Variants in RTTN observed in about 807,000 individuals in gnomAD.
RTTN encodes rotatin.
Under a neutral mutation model 269.2 loss-of-function variants are expected in RTTN, and 182 were observed. That is an observed-to-expected ratio of 0.68 (90% CI 0.60 to 0.76). The LOEUF (loss-of-function observed/expected upper bound fraction) is 0.76. Among genes scored for constraint, RTTN ranks in the 30% least tolerant of loss-of-function variants. RTTN has a pLI of 0.00. For synonymous variants in RTTN, 1,006 were observed against 963.5 expected (o/e 1.04, Z -0.82); for missense variants, 2,545 against 2,608.6 (o/e 0.98, Z 0.53).
chr18:70,037,147 C>T (rs538523125), intron 40 of RTTN, among the ~76,000 whole-genome samples: 3 of 152,268 alleles, frequency 2.0e-5, no homozygotes, highest in South Asian at 2.1e-4. Flanking sequence ...GCCTTGCCAC[C>T]GTAAAGCCAG....
At chr18:70,042,804 T>A (rs1480214394) in intron 40 of RTTN, among the ~76,000 whole-genome samples, 1 of 152,238 alleles carries the variant, frequency 6.6e-6, no homozygotes, top group Admixed American at 6.5e-5. Flanking sequence ...GTAAGGGCGA[T>A]AAAAGACTTT....
At chr18:70,198,313 C>A (rs1318264249) in intron 5 of RTTN, among the ~76,000 whole-genome samples, 1 of 152,174 alleles carries the variant, frequency 6.6e-6, no homozygotes, top group Non-Finnish European at 1.5e-5. Context: ...ATTATACTAT[C>A]CACCATTCAC....
At chr18:70,136,945 T>C (rs1027542336) in intron 21 of RTTN, among the ~76,000 whole-genome samples, 2 of 152,040 alleles carry the variant, frequency 1.3e-5, no homozygotes, top group Non-Finnish European at 2.9e-5. Context: ...TGAAATAATA[T>C]AGAAAGATAT....
rs12962614 is a variant in RTTN at position 70,107,782 on chromosome 18, A to T, written c.3903+1716T>A. ...AAGATAAACCAAGAAAAATTGAGAA[A>T]GGAATAATTAATGTCTGCAATGAAA... On this transcript the variant is annotated intron_variant, in intron 28 of 48. Coordinates refer to ENST00000640769, the MANE Select transcript of RTTN (RefSeq NM_173630.4). 3.3e-5 allele frequency among the ~76,000 whole-genome samples: 5 copies of T among 152,068 alleles called. No individual in the cohort carries two copies. The South Asian group carries it at 6.2e-4, about 19-fold the overall frequency.
At chr18:70,043,114 G>C (rs2057393322) in intron 40 of RTTN, among the ~76,000 whole-genome samples, 2 of 152,202 alleles carry the variant, frequency 1.3e-5, no homozygotes, top group South Asian at 4.1e-4. Flanking sequence ...AGAAGGAATT[G>C]GGAAGAGATT....
intron 5 of RTTN, among the ~76,000 whole-genome samples, chr18:70,199,078 T>G (rs932922671): frequency 1.3e-5 from 2 of 152,084 alleles, no homozygotes; most frequent in Non-Finnish European, 2.9e-5. Context: ...TTCCAGCTAC[T>G]CAGGAGGCTG....
In RTTN at chr18:70,201,922, C is replaced by T; in HGVS notation, c.459G>A (p.Gln153=). 1 of 1,612,150 alleles carries T rather than the reference C, an allele frequency of 6.2e-7. No individual in the cohort carries two copies. Among genetic ancestry groups the T allele is most frequent in the Non-Finnish European group, 8.5e-7 (1 of 1,178,458 alleles). The change falls in exon 4 of 49, where the codon CAG becomes CAA. Residue 153 remains glutamine, a synonymous_variant. Transcript: ENST00000640769. The part of the protein sequence containing the change: ...GYFPQDKSNF[Q]QMEVPPRPVV... ...CTGGTCGTGGCGGCACTTCCATCTG[C>T]TGGAAATTACTTTTGTCTTGGGGAA...
At chr18:70,155,912 A>G (rs1238842476) in intron 14 of RTTN, among the ~76,000 whole-genome samples, 8 of 152,158 alleles carry the variant, frequency 5.3e-5, no homozygotes, top group Admixed American at 5.2e-4. Flanking sequence ...CCCAATAAAT[A>G]CGCTTGTGAT....
intron 40 of RTTN, among the ~76,000 whole-genome samples, chr18:70,032,323 A>G (rs919824309): frequency 1.3e-5 from 2 of 152,172 alleles, no homozygotes; most frequent in Non-Finnish European, 2.9e-5. Context: ...TAGCTCCTGC[A>G]CTGGCAGACT....
At chr18:70,201,607 CAAAAAAA>C (rs34966295) in intron 4 of RTTN, among the ~76,000 whole-genome samples, 1 of 41,008 alleles carries the variant, frequency 2.4e-5, no homozygotes, top group East Asian at 8.5e-4. Context: ...GACTCCATCT[CAAAAAAA>C]AAAAAAAAAA....
At chr18:70,182,705 T>C (rs1355156875) in intron 10 of RTTN, among the ~76,000 whole-genome samples, 4 of 152,224 alleles carry the variant, frequency 2.6e-5, no homozygotes, top group Non-Finnish European at 4.4e-5. Flanking sequence ...GGAGACATAC[T>C]CTGGTATTCC....
intron 43 of RTTN, among the ~76,000 whole-genome samples, chr18:70,028,296 T>A: frequency 6.6e-6 from 1 of 152,128 alleles, no homozygotes; most frequent in Non-Finnish European, 1.5e-5. Flanking sequence ...TTCCTCTCGG[T>A]GGATGTGGCC....
At chr18:70,151,957 C>G (rs2145805362) in intron 14 of RTTN, among the ~76,000 whole-genome samples, 1 of 152,292 alleles carries the variant, frequency 6.6e-6, no homozygotes, top group South Asian at 2.1e-4. Flanking sequence ...TTGCCAAACC[C>G]TCTTCAATGC....
chr18:70,017,606 CA>C lies in RTTN; in HGVS notation c.6221del (p.Leu2074ArgfsTer6). 6.2e-7 allele frequency: 1 copy of C among 1,613,790 alleles called. No individual in the cohort carries two copies. The highest frequency in any genetic ancestry group is 8.5e-7 in the Non-Finnish European group (1 of 1,179,776). On this transcript the variant is annotated frameshift_variant, in exon 46 of 49. Transcript: ENST00000640769. LOFTEE classifies it high-confidence loss of function. The part of the protein sequence containing the change: ...PKGGNKHLSN[L>X]TILWLKLLLN... ...GGAGTAACTTCAACCAAAGAATAGT[CA>C]GATTACTTAGATGTTTATTTCCTCC... is the stretch of plus-strand genomic sequence containing the variant.
intron 16 of RTTN, 50 bp downstream of exon 16, chr18:70,149,921 C>T (rs775834411): frequency 1.6e-6 from 2 of 1,264,222 alleles, no homozygotes; most frequent in East Asian, 2.3e-5. Context: ...AAATCAATCA[C>T]ACCCAGCCAA....
chr18:70,048,127 C>T lies in RTTN; in HGVS notation c.5385G>A (p.Leu1795=). ...ATCPALYTAS[L]QFLSVLLTEE... ...CGGTCAAGAGAACAGAAAGGAATTG[C>T]AAGCTGGCAGTATACAGGGCAGGAC... Residue 1795 remains leucine (L), a synonymous_variant, in exon 40 of 49, where the codon TTG becomes TTA. Coordinates refer to ENST00000640769, the MANE Select transcript of RTTN (RefSeq NM_173630.4). The T allele has an allele frequency of 6.2e-7, 1 of 1,614,066 alleles. No individual in the cohort carries two copies. Among genetic ancestry groups the T allele is most frequent in the Non-Finnish European group, 8.5e-7 (1 of 1,179,980 alleles).
At chr18:70,072,137 GA>G (rs2145037797) in intron 34 of RTTN, among the ~76,000 whole-genome samples, 1 of 152,120 alleles carries the variant, frequency 6.6e-6, no homozygotes, top group Non-Finnish European at 1.5e-5. Context: ...GTATGGTAAA[GA>G]AAATATAACT....
chr18:70,193,782 AAATT>A (rs2061738334), intron 7 of RTTN, among the ~76,000 whole-genome samples: 1 of 152,252 alleles, frequency 6.6e-6, no homozygotes, highest in Admixed American at 6.5e-5. Flanking sequence ...CTGTACATAA[AAATT>A]AATTCAAAGT....
In RTTN at chr18:70,139,580, C is replaced by A; in HGVS notation, c.2788+19G>T. ...AATTTAAGAACAATCTAATTATTAG[C>A]AGATTTTCTTTTATTTACCTCTGAA... On this transcript the variant is annotated intron_variant, in intron 21 of 48. Transcript: ENST00000640769. The A allele has an allele frequency of 1.4e-6, 2 of 1,384,466 alleles. No individual in the cohort carries two copies. The highest frequency in any genetic ancestry group is 1.0e-6 in the Non-Finnish European group (1 of 981,950). The allele number at this position is 1,384,466 out of a possible 1,614,324, so 85.8% of individuals were successfully genotyped here. A position where few individuals can be genotyped will look rare whatever the true frequency, so the allele number is the denominator to read the frequency against.
Sources: allele counts gnomAD v4.1 joint callset (sites outside exome capture counted in the v4.1 genomes callset), GRCh38; gene constraint gnomAD v4.1.1; transcripts MANE v1.5; gene names NCBI Gene and HGNC (gene_info 2026-07-23, HGNC 2026-07-21).